Variants in SMG7 observed in about 807,000 individuals in gnomAD.
SMG7 encodes the protein SMG7 nonsense mediated mRNA decay factor.
In SMG7, 34 loss-of-function variants were observed where a neutral mutation model predicts 148.2. The observed-to-expected ratio is 0.23, with a 90% confidence interval of 0.17 to 0.31. SMG7 has a LOEUF of 0.31. SMG7 is among the 10% of genes least tolerant of loss of function. The pLI is 1.00. For synonymous variants in SMG7, 492 were observed against 515.1 expected (o/e 0.96, Z 0.61); for missense variants, 1,114 against 1,408.4 (o/e 0.79, Z 3.35).
chr1:183,544,568 T>G, intron 15 of SMG7, 71 bp downstream of exon 15: 1 of 1,507,780 alleles, frequency 6.6e-7, no homozygotes, highest in East Asian at 2.3e-5. Context: ...CACTGAGAAA[T>G]GTGTTTTCTG....
At chr1:183,473,859 G>A in intron 1 of SMG7, 1 of 985,418 alleles carries the variant, frequency 1.0e-6, no homozygotes, top group Non-Finnish European at 1.2e-6. Flanking sequence ...TGACATGAAA[G>A]TATTGACGTG....
At chr1:183,495,047 T>TC (rs1282703419) in intron 1 of SMG7, among the ~76,000 whole-genome samples, 4 of 152,066 alleles carry the variant, frequency 2.6e-5, no homozygotes, top group African/African-American at 9.7e-5. Flanking sequence ...CAGGCTGGTC[T>TC]CCAACTCCTG....
chr1:183,529,359 G>A (rs373621384), intron 7 of SMG7, 39 bp from the exon 8 acceptor site: 2 of 1,601,114 alleles, frequency 1.2e-6, no homozygotes, highest in African/African-American at 2.7e-5. Flanking sequence ...TAGCCAATTT[G>A]CTGCTTATGA....
intron 1 of SMG7, among the ~76,000 whole-genome samples, chr1:183,489,149 G>A (rs1656298092): frequency 6.6e-6 from 1 of 151,824 alleles, no homozygotes; most frequent in African/African-American, 2.4e-5. Flanking sequence ...AAAAAAAAAA[G>A]TTCAATCAAC....
At chr1:183,520,263 TTTG>T (rs542881616) in intron 4 of SMG7, among the ~76,000 whole-genome samples, 158 of 152,182 alleles carry the variant, frequency 1.0e-3, no homozygotes, top group East Asian at 2.7e-3. Flanking sequence ...AAAAGATTGT[TTTG>T]TTGTTGTTAA....
At chr1:183,501,555 G>A (rs1159691772) in intron 1 of SMG7, among the ~76,000 whole-genome samples, 1 of 152,152 alleles carries the variant, frequency 6.6e-6, no homozygotes. Context: ...CCAAGAAATT[G>A]TGCTGTTTTT....
In SMG7 at chr1:183,549,630, A is replaced by G. The variant is rs1223615330; in HGVS notation, c.2974-134A>G. ...ATTTGACTGGAAAATTGAAACAAAA[A>G]GAAATAAAAGCCTTCAAAATTTCTC... On this transcript the variant is annotated intron_variant, in intron 19 of 22. Coordinates refer to ENST00000688051, the MANE Select transcript of SMG7 (RefSeq NM_001375584.1). 9.6e-6 allele frequency: 7 copies of G among 726,086 alleles called. No individual in the cohort carries two copies. The East Asian group carries it at 1.7e-4, about 18-fold the overall frequency. The allele number at this position is 726,086 out of a possible 1,614,324, so 45.0% of individuals were successfully genotyped here.
intron 4 of SMG7, among the ~76,000 whole-genome samples, chr1:183,521,858 C>CAAA (rs35144368): frequency 1.6e-4 from 21 of 129,196 alleles, no homozygotes; most frequent in Non-Finnish European, 2.5e-4. Flanking sequence ...GACCTTGTCT[C>CAAA]AAAAAAAAAA....
chr1:183,485,483 G>A (rs1430975519), intron 1 of SMG7, among the ~76,000 whole-genome samples: 1 of 152,050 alleles, frequency 6.6e-6, no homozygotes, highest in Non-Finnish European at 1.5e-5. Flanking sequence ...TTATCTTACT[G>A]ACTAGTTGAC....
chr1:183,514,029 CAAAA>C (rs1035651769), intron 2 of SMG7, among the ~76,000 whole-genome samples: 34 of 41,318 alleles, frequency 8.2e-4, no homozygotes, highest in Non-Finnish European at 1.1e-3. Flanking sequence ...GACTCCGTCT[CAAAA>C]AAAAAAAAAA....
intron 8 of SMG7, 49 bp downstream of exon 8, chr1:183,529,582 A>G (rs1458042320): frequency 1.3e-6 from 2 of 1,531,952 alleles, no homozygotes; most frequent in South Asian, 2.3e-5. Context: ...ATCAGGAAGC[A>G]TAACATTTGG....
chr1:183,524,736 G>A (rs542544489), intron 4 of SMG7, among the ~76,000 whole-genome samples: 3 of 152,086 alleles, frequency 2.0e-5, no homozygotes, highest in Non-Finnish European at 2.9e-5. Flanking sequence ...GAAAAAAATT[G>A]AGCTTTATAT....
At chr1:183,525,331 A>G (rs940468857) in intron 4 of SMG7, among the ~76,000 whole-genome samples, 1 of 152,198 alleles carries the variant, frequency 6.6e-6, no homozygotes, top group East Asian at 1.9e-4. Flanking sequence ...GTATTTGGCT[A>G]TTAGGTAACC....
chr1:183,509,833 G>T (rs1385158846), intron 1 of SMG7, among the ~76,000 whole-genome samples: 1 of 152,114 alleles, frequency 6.6e-6, no homozygotes, highest in African/African-American at 2.4e-5. Flanking sequence ...TTCTTGGACA[G>T]ATTATAGCAT....
intron 1 of SMG7, among the ~76,000 whole-genome samples, chr1:183,489,610 A>C (rs560683124): frequency 6.6e-5 from 10 of 152,280 alleles, no homozygotes; most frequent in Non-Finnish European, 4.4e-5. Flanking sequence ...AGACAATTGG[A>C]ATAGGACCAT....
chr1:183,543,017 C>T (rs1270778275), intron 14 of SMG7, among the ~76,000 whole-genome samples: 1 of 143,598 alleles, frequency 7.0e-6, no homozygotes, highest in East Asian at 2.1e-4. Flanking sequence ...GACAATTATA[C>T]TTGTCCCGGC....
intron 1 of SMG7, among the ~76,000 whole-genome samples, chr1:183,512,091 G>A (rs1041965277): frequency 5.3e-5 from 8 of 152,156 alleles, no homozygotes; most frequent in Admixed American, 2.6e-4. Context: ...AGAGGGGAAC[G>A]TGGGGCAGAA....
chr1:183,472,619 G>A lies in SMG7; in HGVS notation c.-2G>A. On this transcript the variant is annotated 5_prime_UTR_variant, in exon 1 of 23. Coordinates refer to ENST00000688051, the MANE Select transcript of SMG7 (RefSeq NM_001375584.1). ...GGGAAGACGCGGCGGCGGCGGCGGAGGATGAGCCTGCAGAGCGCGCAGTAC... is the reference window on the plus strand; with the variant it reads ...GGGAAGACGCGGCGGCGGCGGCGGAAGATGAGCCTGCAGAGCGCGCAGTAC... 1 of 1,456,124 alleles carries A rather than the reference G, an allele frequency of 6.9e-7. No homozygotes were observed. Among genetic ancestry groups the A allele is most frequent in the Non-Finnish European group, 9.1e-7 (1 of 1,093,044 alleles). The allele number at this position is 1,456,124 out of a possible 1,614,324, so 90.2% of individuals were successfully genotyped here. A position where few individuals can be genotyped will look rare whatever the true frequency, so the allele number is the denominator to read the frequency against.
intron 1 of SMG7, among the ~76,000 whole-genome samples, chr1:183,492,873 C>T (rs568649702): frequency 2.6e-5 from 4 of 152,102 alleles, no homozygotes; most frequent in South Asian, 2.1e-4. Flanking sequence ...TTATTGCATC[C>T]GACACGTTAT....
Sources: allele counts gnomAD v4.1 joint callset (sites outside exome capture counted in the v4.1 genomes callset), GRCh38; gene constraint gnomAD v4.1.1; transcripts MANE v1.5; gene names NCBI Gene and HGNC (gene_info 2026-07-23, HGNC 2026-07-21).